The following RGL1 variants were observed in gnomAD, a reference collection of about 807,000 sequenced individuals.
RGL1 encodes ral guanine nucleotide dissociation stimulator-like 1.
RGL1 carries 24 observed loss-of-function variants against 95.2 expected under a neutral mutation model. The observed-to-expected ratio is 0.25, with a 90% CI of 0.18 to 0.35. RGL1 has a LOEUF of 0.35. RGL1 is among the 10% of genes least tolerant of loss of function. The pLI, the probability that RGL1 is intolerant of heterozygous loss-of-function variation, is 1.00. For synonymous variants in RGL1, 329 were observed against 344.9 expected, an observed-to-expected ratio of 0.95 and a Z score of 0.51; for missense variants, 715 against 936.3, an observed-to-expected ratio of 0.76 and a Z score of 3.08.
rs202028017 is a variant in RGL1 at position 183,677,307 on chromosome 1, C to CT, written c.-33+40815dup. ...TACTTGGAAGATGGGATCTCTCTCTCTTTTTTTTTCTACTGAAGTTTCACC... is the reference window on the plus strand; with the variant it reads ...TACTTGGAAGATGGGATCTCTCTCTCTTTTTTTTTTCTACTGAAGTTTCACC... On this transcript the variant is annotated intron_variant, in intron 1 of 18. Coordinates refer to the RGL1 transcript ENST00000304685. 1.6e-4 allele frequency among the ~76,000 whole-genome samples: 24 copies of CT among 150,716 alleles called. No homozygotes were observed. In the East Asian group the frequency reaches 1.9e-3, roughly 12 times the overall value.
chr1:183,700,310 G>T (rs1476577901), intron 1 of RGL1, among the ~76,000 whole-genome samples: 1 of 152,024 alleles, frequency 6.6e-6, no homozygotes, highest in Non-Finnish European at 1.5e-5. Flanking sequence ...GAAACATAAT[G>T]GTTGGATTTC....
intron 4 of RGL1, among the ~76,000 whole-genome samples, chr1:183,876,440 C>T (rs1056532922): frequency 1.3e-5 from 2 of 152,218 alleles, no homozygotes; most frequent in Non-Finnish European, 2.9e-5. Context: ...AGTTTTGGGC[C>T]CCTGGCCTTG....
chr1:183,912,305 G>T, intron 15 of RGL1, 37 bp downstream of exon 15: 1 of 1,540,964 alleles, frequency 6.5e-7, no homozygotes. Context: ...CCTAATGCAG[G>T]CACCTACATG....
intron 3 of RGL1, among the ~76,000 whole-genome samples, chr1:183,849,943 C>T (rs1054809174): frequency 2.0e-5 from 3 of 152,080 alleles, no homozygotes; most frequent in Admixed American, 1.3e-4. Flanking sequence ...AGATAACTGC[C>T]AGATTGCACC....
chr1:183,852,769 C>T (rs1311952366), intron 3 of RGL1, among the ~76,000 whole-genome samples: 1 of 152,020 alleles, frequency 6.6e-6, no homozygotes, highest in Non-Finnish European at 1.5e-5. Context: ...GCTGAAATTG[C>T]ACCAGCCTGG....
At chr1:183,818,776 T>C (rs1304875253) in intron 2 of RGL1, among the ~76,000 whole-genome samples, 1 of 152,208 alleles carries the variant, frequency 6.6e-6, no homozygotes, top group Non-Finnish European at 1.5e-5. Context: ...AGTGACTTTT[T>C]TTTGGTATTT....
At chr1:183,801,153 G>GTGTGTGTA (rs1660967523), upstream of RGL1, among the ~76,000 whole-genome samples, 1 of 151,468 alleles carries the variant, frequency 6.6e-6, no homozygotes, top group African/African-American at 2.4e-5. Flanking sequence ...TTGTGTGTGT[G>GTGTGTGTA]TGTGTGTGTG....
At chr1:183,780,925 T>C (rs1302372483) in intron 2 of RGL1, among the ~76,000 whole-genome samples, 3 of 152,212 alleles carry the variant, frequency 2.0e-5, no homozygotes, top group Admixed American at 2.0e-4. Flanking sequence ...CACCAGCAGC[T>C]CCTGAAGGCC....
chr1:183,773,034 AAAAAAAAAAAAAAAAT>A (rs1659378999), intron 2 of RGL1, among the ~76,000 whole-genome samples: 1 of 150,174 alleles, frequency 6.7e-6, no homozygotes, highest in Admixed American at 6.6e-5. Flanking sequence ...AAAAAAAAAA[AAAAAAAAAAAAAAAAT>A]TTCACTCTGA....
intron 1 of RGL1, among the ~76,000 whole-genome samples, chr1:183,696,216 C>G (rs1421518560): frequency 6.6e-6 from 1 of 152,174 alleles, no homozygotes; most frequent in Non-Finnish European, 1.5e-5. Flanking sequence ...TCCACTTACT[C>G]TCCAAGGCTC....
At chr1:183,642,856 T>A (rs1037992835) in intron 1 of RGL1, among the ~76,000 whole-genome samples, 1 of 152,250 alleles carries the variant, frequency 6.6e-6, no homozygotes, top group African/African-American at 2.4e-5. Context: ...TAAGTAGTAC[T>A]AAGCACATTG....
At chr1:183,854,003 G>A (rs536562535) in intron 3 of RGL1, among the ~76,000 whole-genome samples, 4 of 152,266 alleles carry the variant, frequency 2.6e-5, no homozygotes, top group South Asian at 2.1e-4. Context: ...GCTCTTTAAT[G>A]TGTACTATGT....
intron 3 of RGL1, among the ~76,000 whole-genome samples, chr1:183,863,904 A>C (rs975097590): frequency 8.5e-5 from 13 of 152,188 alleles, no homozygotes; most frequent in Non-Finnish European, 5.9e-5. Context: ...CTTCTGAGCC[A>C]TTGCTCAGAA....
At chr1:183,865,551 G>A (rs748028594) in intron 3 of RGL1, among the ~76,000 whole-genome samples, 2 of 152,154 alleles carry the variant, frequency 1.3e-5, no homozygotes, top group East Asian at 3.9e-4. Context: ...CCATCAGTTT[G>A]TGCTCCCATG....
intron 1 of RGL1, among the ~76,000 whole-genome samples, chr1:183,713,918 G>T (rs1303588353): frequency 1.3e-5 from 2 of 152,156 alleles, no homozygotes; most frequent in African/African-American, 4.8e-5. Flanking sequence ...ATAAATATTT[G>T]TTTGATGAAT....
chr1:183,729,860 A>G (rs1326576035), intron 1 of RGL1, among the ~76,000 whole-genome samples: 4 of 152,114 alleles, frequency 2.6e-5, no homozygotes, highest in Non-Finnish European at 5.9e-5. Flanking sequence ...AAGAAGACCG[A>G]AAAAAAAGTA....
chr1:183,668,868 T>G (rs1361742869), intron 1 of RGL1, among the ~76,000 whole-genome samples: 6 of 152,008 alleles, frequency 3.9e-5, no homozygotes, highest in Admixed American at 3.9e-4. Flanking sequence ...GTCCCCCAGC[T>G]TTTGGATATT....
chr1:183,759,796 A>C (rs896449200), intron 2 of RGL1, among the ~76,000 whole-genome samples: 4 of 152,228 alleles, frequency 2.6e-5, no homozygotes, highest in African/African-American at 9.6e-5. Flanking sequence ...TTCTTAGTCT[A>C]AACTAAAGGT....
chr1:183,878,848 T>G (rs1047790769), intron 4 of RGL1, among the ~76,000 whole-genome samples: 4 of 152,202 alleles, frequency 2.6e-5, no homozygotes, highest in African/African-American at 7.2e-5. Context: ...TTATCACCTC[T>G]CCATATCTGT....
Sources: gnomAD v4.1 joint callset for allele counts (sites outside exome capture counted in the v4.1 genomes callset) on GRCh38, gnomAD v4.1.1 for gene constraint, MANE v1.5 for transcripts, NCBI Gene and HGNC (gene_info 2026-07-23, HGNC 2026-07-21) for gene names.